LRFN5: variants seen among roughly 807,000 people sequenced by gnomAD.
The protein encoded by LRFN5 is leucine rich repeat and fibronectin type III domain containing 5.
LRFN5 carries 24 observed loss-of-function variants against 45.6 expected under a neutral mutation model. The observed-to-expected ratio is 0.53, with a 90% CI of 0.38 to 0.74. The LOEUF (loss-of-function observed/expected upper bound fraction) is 0.74, where lower values mean the gene tolerates loss of function less well. LRFN5 is among the 30% of genes least tolerant of loss of function. LRFN5 has a pLI of 0.00. For synonymous variants in LRFN5, 340 were observed against 313.8 expected (o/e 1.08, Z -0.88); for missense variants, 776 against 861.5 (o/e 0.90, Z 1.24).
In LRFN5 at chr14:41,607,264, G is replaced by A. The variant is rs1215942662; in HGVS notation, c.-1495G>A. 6.6e-6 allele frequency among the ~76,000 whole-genome samples: 1 copy of A among 151,854 alleles called. No homozygotes were observed. The highest frequency in any genetic ancestry group is 1.5e-5 in the Non-Finnish European group (1 of 67,984). On this transcript the variant is annotated 5_prime_UTR_variant, in exon 1 of 6. Coordinates refer to ENST00000298119, the MANE Select transcript of LRFN5 (RefSeq NM_152447.5). ...TTGGGGAGCTCTGGCTGTGAACACAGCCCACCCATATAATCCATTTTGCAC... is the reference window on the plus strand; with the variant it reads ...TTGGGGAGCTCTGGCTGTGAACACAACCCACCCATATAATCCATTTTGCAC...
At chr14:41,813,048 A>C (rs1275951392) in intron 2 of LRFN5, among the ~76,000 whole-genome samples, 1 of 152,150 alleles carries the variant, frequency 6.6e-6, no homozygotes, top group African/African-American at 2.4e-5. Flanking sequence ...GTTGTTTCCC[A>C]CCCTTTGAAG....
intron 1 of LRFN5, among the ~76,000 whole-genome samples, chr14:41,685,218 T>C (rs921820654): frequency 3.9e-5 from 6 of 152,078 alleles, no homozygotes; most frequent in African/African-American, 1.4e-4. Flanking sequence ...TTAGCACAAG[T>C]CCTGGAGAAC....
chr14:41,875,800 T>C (rs746347484), intron 2 of LRFN5, among the ~76,000 whole-genome samples: 4 of 152,112 alleles, frequency 2.6e-5, no homozygotes, highest in Non-Finnish European at 5.9e-5. Context: ...AAAGGGAAAG[T>C]TAAGGTTGGA....
chr14:41,886,566 C>T, intron 2 of LRFN5, 40 bp from the exon 3 acceptor site: 1 of 1,286,138 alleles, frequency 7.8e-7, no homozygotes, highest in Non-Finnish European at 1.1e-6. Flanking sequence ...TGAATTAAAT[C>T]ACTGGATGCT....
intron 2 of LRFN5, among the ~76,000 whole-genome samples, chr14:41,862,744 A>G (rs1023273582): frequency 2.6e-5 from 4 of 152,108 alleles, no homozygotes; most frequent in African/African-American, 9.7e-5. Context: ...TATATGTAGT[A>G]GTAACACAGT....
At chr14:41,751,556 G>A (rs888695141) in intron 1 of LRFN5, among the ~76,000 whole-genome samples, 3 of 151,842 alleles carry the variant, frequency 2.0e-5, no homozygotes, top group Non-Finnish European at 2.9e-5. Flanking sequence ...AAAGTCACTG[G>A]TGATACATAC....
intron 2 of LRFN5, among the ~76,000 whole-genome samples, chr14:41,831,866 G>A (rs1420486169): frequency 1.3e-5 from 2 of 152,062 alleles, no homozygotes; most frequent in Admixed American, 6.5e-5. Context: ...TGGAGGCTAG[G>A]AAGTTCAAGA....
At chr14:41,818,755 A>G (rs1024038537) in intron 2 of LRFN5, among the ~76,000 whole-genome samples, 1 of 152,142 alleles carries the variant, frequency 6.6e-6, no homozygotes, top group Non-Finnish European at 1.5e-5. Flanking sequence ...AATTTAAAAA[A>G]TAGATTTGTG....
intron 2 of LRFN5, among the ~76,000 whole-genome samples, chr14:41,870,822 A>G (rs961254712): frequency 2.0e-5 from 3 of 152,334 alleles, no homozygotes; most frequent in East Asian, 1.9e-4. Flanking sequence ...ACAAAAGTGT[A>G]TACACCAGGG....
intron 1 of LRFN5, among the ~76,000 whole-genome samples, chr14:41,670,228 T>TAC (rs1170896489): frequency 2.4e-4 from 30 of 126,682 alleles, no homozygotes; most frequent in Non-Finnish European, 4.4e-4. Flanking sequence ...TATATATGTA[T>TAC]ACACACACAC....
At chr14:41,668,056 A>G (rs1340501104) in intron 1 of LRFN5, among the ~76,000 whole-genome samples, 3 of 152,068 alleles carry the variant, frequency 2.0e-5, no homozygotes, top group Admixed American at 2.0e-4. Context: ...CTCACTTATA[A>G]AGTGGAGGCA....
intron 1 of LRFN5, among the ~76,000 whole-genome samples, chr14:41,646,035 G>A (rs1349822874): frequency 6.6e-6 from 1 of 152,032 alleles, no homozygotes; most frequent in Non-Finnish European, 1.5e-5. Context: ...GTATACAGTG[G>A]TGTTTCAATA....
chr14:41,704,152 C>A (rs1169183951), intron 1 of LRFN5, among the ~76,000 whole-genome samples: 1 of 152,104 alleles, frequency 6.6e-6, no homozygotes, highest in Non-Finnish European at 1.5e-5. Flanking sequence ...GTGGCTACTG[C>A]ATTGCGCTTA....
chr14:41,774,606 A>G (rs533110662), intron 2 of LRFN5, among the ~76,000 whole-genome samples: 1 of 152,364 alleles, frequency 6.6e-6, no homozygotes, highest in Non-Finnish European at 1.5e-5. Context: ...TATGGAAAAA[A>G]CATCAGGAAT....
At chr14:41,694,152 CAT>C (rs1335207302) in intron 1 of LRFN5, among the ~76,000 whole-genome samples, 1 of 151,882 alleles carries the variant, frequency 6.6e-6, no homozygotes, top group Non-Finnish European at 1.5e-5. Context: ...AAGCTATGAA[CAT>C]ATACATCATC....
intron 1 of LRFN5, among the ~76,000 whole-genome samples, chr14:41,760,341 T>G (rs1885607685): frequency 6.6e-6 from 1 of 152,164 alleles, no homozygotes; most frequent in Non-Finnish European, 1.5e-5. Flanking sequence ...GCCACCTCAG[T>G]CTTCCAAAGC....
rs1485431628 is a variant in LRFN5, at chr14:41,702,485, C to G, written c.-196-64369C>G. Among the ~76,000 whole-genome samples, 4 of 152,050 alleles carry G rather than the reference C, an allele frequency of 2.6e-5. No individual in the cohort carries two copies. In the South Asian group the frequency reaches 8.3e-4, roughly 32 times the overall value. The stretch of plus-strand genomic sequence containing the variant: ...GTTTTGTTTGTTTGTTTTTTAGAGA[C>G]AGGGTCTCGCTCTTTCACCCAGGGT... On this transcript the variant is annotated intron_variant, in intron 1 of 5. Coordinates refer to ENST00000298119, the MANE Select transcript of LRFN5 (RefSeq NM_152447.5).
At chr14:41,776,604 G>T in intron 2 of LRFN5, among the ~76,000 whole-genome samples, 1 of 152,158 alleles carries the variant, frequency 6.6e-6, no homozygotes, top group Middle Eastern at 3.4e-3. Flanking sequence ...TGCCCACTGA[G>T]GGTGACAGTC....
chr14:41,894,503 C>T (rs1890876886), intron 4 of LRFN5: 1 of 967,508 alleles, frequency 1.0e-6, no homozygotes, highest in African/African-American at 1.8e-5. Flanking sequence ...AGTATCTGGC[C>T]TGAGATTTTG....
Sources: allele counts gnomAD v4.1 joint callset (sites outside exome capture counted in the v4.1 genomes callset), GRCh38; gene constraint gnomAD v4.1.1; transcripts MANE v1.5; gene names NCBI Gene and HGNC (gene_info 2026-07-23, HGNC 2026-07-21).